Variants in CCDC6 observed in about 807,000 individuals in gnomAD.
CCDC6 encodes coiled-coil domain containing 6, also known as coiled-coil domain-containing protein 6.
Under a neutral mutation model 56.6 loss-of-function variants are expected in CCDC6, and 20 were observed. That is an observed-to-expected ratio of 0.35 (90% CI 0.25 to 0.51). The LOEUF (loss-of-function observed/expected upper bound fraction) is 0.51. Ranked by LOEUF, CCDC6 falls within the 20% of genes least tolerant of loss-of-function variation. The probability of loss-of-function intolerance (pLI) is 0.95; values close to 1 mark genes in which losing one functional copy is unlikely to be tolerated. For synonymous variants in CCDC6, 241 were observed against 234.4 expected (o/e 1.03, Z -0.26); for missense variants, 367 against 601.1 (o/e 0.61, Z 4.07).
At chr10:59,803,249 G>T (rs1210394784) in intron 7 of CCDC6, among the ~76,000 whole-genome samples, 1 of 151,854 alleles carries the variant, frequency 6.6e-6, no homozygotes, top group African/African-American at 2.4e-5. Context: ...ACACCAGAGA[G>T]CACACTGGCC....
At chr10:59,797,683 T>TTGTG (rs72280811) in intron 7 of CCDC6, among the ~76,000 whole-genome samples, 20,671 of 140,426 alleles carry the variant, frequency 0.15, 1,784 homozygotes, top group East Asian at 0.24. Flanking sequence ...AGTGAGAGTG[T>TTGTG]TGTGTGTGTG....
At chr10:59,805,569 CTA>C (rs1350531920) in intron 6 of CCDC6, 1 of 152,152 alleles carries the variant, frequency 6.6e-6, no homozygotes, top group Non-Finnish European at 1.5e-5. Context: ...GTCCCAGATG[CTA>C]TATATGATCT....
At chr10:59,839,926 A>C (rs1189537507) in intron 2 of CCDC6, among the ~76,000 whole-genome samples, 2 of 152,152 alleles carry the variant, frequency 1.3e-5, no homozygotes, top group Non-Finnish European at 2.9e-5. Flanking sequence ...CCCTGGTTCA[A>C]CTGATTCTCC....
intron 1 of CCDC6, among the ~76,000 whole-genome samples, chr10:59,899,289 T>C (rs1277531748): frequency 1.3e-5 from 2 of 152,070 alleles, no homozygotes; most frequent in Non-Finnish European, 1.5e-5. Flanking sequence ...ACAACCACAA[T>C]GTGATTGAAA....
chr10:59,816,503 G>C (rs2070710915), intron 3 of CCDC6, among the ~76,000 whole-genome samples: 2 of 152,136 alleles, frequency 1.3e-5, no homozygotes, highest in African/African-American at 2.4e-5. Context: ...CAAATGCCTA[G>C]GTTCAAATCC....
intron 5 of CCDC6, among the ~76,000 whole-genome samples, chr10:59,810,021 C>G (rs1204147775): frequency 6.6e-6 from 1 of 152,242 alleles, no homozygotes; most frequent in Admixed American, 6.5e-5. Flanking sequence ...AGTGCCCAGA[C>G]TATACCCCAA....
chr10:59,809,685 T>C (rs1376093518), intron 5 of CCDC6, among the ~76,000 whole-genome samples: 3 of 152,166 alleles, frequency 2.0e-5, no homozygotes, highest in Non-Finnish European at 2.9e-5. Context: ...TCTCCCAATA[T>C]AGTAGGCCCT....
In CCDC6 at chr10:59,792,572, T is replaced by C. The variant is rs1564735144; in HGVS notation, c.*345A>G. On this transcript the variant is annotated 3_prime_UTR_variant, in exon 9 of 9. Transcript: ENST00000263102. ...AAAATATAAAAAAGATATCCCTTTTTCTTTTACAAACCTAAAAGCCAGGAG... is the reference window on the plus strand; with the variant it reads ...AAAATATAAAAAAGATATCCCTTTTCCTTTTACAAACCTAAAAGCCAGGAG... 3 of 596,248 alleles carry C rather than the reference T, an allele frequency of 5.0e-6. No homozygotes were observed. The highest frequency in any genetic ancestry group is 3.6e-5 in the African/African-American group (2 of 55,368). 36.9% of individuals were successfully genotyped at this position (596,248 alleles called of 1,614,324 possible). A position where few individuals can be genotyped will look rare whatever the true frequency, so the allele number is the denominator to read the frequency against.
chr10:59,820,083 T>G (rs1247155028), intron 3 of CCDC6, among the ~76,000 whole-genome samples: 2 of 152,256 alleles, frequency 1.3e-5, no homozygotes, highest in African/African-American at 4.8e-5. Context: ...TCTGGCTTAT[T>G]TGAATTCACA....
intron 3 of CCDC6, among the ~76,000 whole-genome samples, chr10:59,816,353 A>C (rs1344029018): frequency 6.6e-6 from 1 of 152,190 alleles, no homozygotes; most frequent in Non-Finnish European, 1.5e-5. Context: ...TCAAAGCCAT[A>C]AAAATAGCTG....
At chr10:59,878,078 T>C (rs1375769247) in intron 1 of CCDC6, among the ~76,000 whole-genome samples, 1 of 152,202 alleles carries the variant, frequency 6.6e-6, no homozygotes, top group Non-Finnish European at 1.5e-5. Flanking sequence ...ATACTGTGTT[T>C]AGACAAAATT....
At chr10:59,844,399 T>TA (rs967058894) in intron 2 of CCDC6, among the ~76,000 whole-genome samples, 9 of 142,362 alleles carry the variant, frequency 6.3e-5, no homozygotes, top group African/African-American at 1.6e-4. Flanking sequence ...TTAACATCTT[T>TA]AAAAAAAATC....
intron 1 of CCDC6, among the ~76,000 whole-genome samples, chr10:59,904,892 T>G (rs1007225558): frequency 4.7e-5 from 7 of 148,654 alleles, no homozygotes; most frequent in Non-Finnish European, 1.0e-4. Context: ...ATACACAGCC[T>G]CCTCCACCGA....
chr10:59,851,953 G>A (rs1291066457), intron 2 of CCDC6, among the ~76,000 whole-genome samples: 1 of 152,054 alleles, frequency 6.6e-6, no homozygotes, highest in Non-Finnish European at 1.5e-5. Flanking sequence ...GAGAGAATGA[G>A]CCTCTGAAGT....
chr10:59,798,512 A>C (rs1285419377), intron 7 of CCDC6, among the ~76,000 whole-genome samples: 3 of 152,160 alleles, frequency 2.0e-5, no homozygotes, highest in Non-Finnish European at 4.4e-5. Flanking sequence ...ACATTTACAA[A>C]ATGGAGGTCT....
At position 59,832,587 on chromosome 10, in the gene CCDC6, G is replaced by A. The variant is rs1400531441; in HGVS notation, c.520C>T (p.Leu174=). The part of the protein sequence containing the change: ...EQEQEFQVNK[L]MKKIKKLEND... ...TCCAGTTTTTTAATTTTCTTCATCAGTTTGTTGACCTGAAATTCCTGCTCT... is the reference window on the plus strand; with the variant it reads ...TCCAGTTTTTTAATTTTCTTCATCAATTTGTTGACCTGAAATTCCTGCTCT... The change falls in exon 3 of 9, where the codon CTG becomes TTG. Residue 174 remains leucine, a synonymous_variant. Coordinates refer to ENST00000263102, the MANE Select transcript of CCDC6 (RefSeq NM_005436.5). 2.5e-6 allele frequency: 4 copies of A among 1,613,276 alleles called. No homozygotes were observed. The highest frequency in any genetic ancestry group is 3.4e-6 in the Non-Finnish European group (4 of 1,179,462).
chr10:59,905,215 G>A (rs987543375), intron 1 of CCDC6, among the ~76,000 whole-genome samples: 5 of 152,046 alleles, frequency 3.3e-5, no homozygotes. Flanking sequence ...ACTGCTATAG[G>A]GGCCTTTCTA....
Position 59,789,964 on chromosome 10 carries a change from C to T in CCDC6, c.*2953G>A. 4.6e-6 allele frequency: 1 copy of T among 217,446 alleles called. No homozygotes were observed. The highest frequency in any genetic ancestry group is 6.9e-5 in the East Asian group (1 of 14,560). The allele number at this position is 217,446 out of a possible 1,614,324, so 13.5% of individuals were successfully genotyped here. A position where few individuals can be genotyped will look rare whatever the true frequency, so the allele number is the denominator to read the frequency against. ...GTGTCAAAGCCACTTTCTGGTCACA[C>T]ATTCATTCCATGGTTGCTAGTCAGT... On this transcript the variant is annotated 3_prime_UTR_variant, in exon 9 of 9. Coordinates refer to ENST00000263102, the MANE Select transcript of CCDC6 (RefSeq NM_005436.5).
Position 59,891,084 on chromosome 10 carries a change from G to A in CCDC6, c.303+15038C>T, listed in dbSNP as rs369551989. On this transcript the variant is annotated intron_variant, in intron 1 of 8. Coordinates refer to ENST00000263102, the MANE Select transcript of CCDC6 (RefSeq NM_005436.5). ...AAACACAGGAGGCCCAGTTAAATTC[G>A]AATTTCAGATCAACAACAAATAATT... is the stretch of plus-strand genomic sequence containing the variant. 1.1e-4 allele frequency among the ~76,000 whole-genome samples: 17 copies of A among 152,276 alleles called. No individual in the cohort carries two copies. The East Asian group carries it at 2.1e-3, about 19-fold the overall frequency.
Sources: allele counts gnomAD v4.1 joint callset (sites outside exome capture counted in the v4.1 genomes callset), GRCh38; gene constraint gnomAD v4.1.1; transcripts MANE v1.5; gene names NCBI Gene and HGNC (gene_info 2026-07-23, HGNC 2026-07-21).